GALNT17: variants seen among roughly 807,000 people sequenced by gnomAD.
GALNT17 encodes UDP-GalNAc:polypeptide N-acetylgalactosaminyltransferase-like 3.
Under a neutral mutation model 63.7 loss-of-function variants are expected in GALNT17, and 29 were observed. The observed-to-expected ratio is 0.46, with a 90% CI of 0.34 to 0.62. The LOEUF is 0.62. GALNT17 is among the 20% of genes least tolerant of loss of function. GALNT17 has a pLI of 0.01. For missense variants in GALNT17, 603 were observed against 799.6 expected (o/e 0.75, Z 2.97); for synonymous variants, 305 against 318.3 (o/e 0.96, Z 0.45).
At chr7:71,534,722 G>T (rs907433479) in intron 5 of GALNT17, among the ~76,000 whole-genome samples, 1 of 152,108 alleles carries the variant, frequency 6.6e-6, no homozygotes, top group Admixed American at 6.6e-5. Flanking sequence ...GACACGTGGG[G>T]ATATGACAAC....
chr7:71,604,431 G>A (rs1044886917), intron 6 of GALNT17, among the ~76,000 whole-genome samples: 9 of 152,154 alleles, frequency 5.9e-5, no homozygotes, highest in Non-Finnish European at 1.0e-4. Flanking sequence ...GCATGCACTA[G>A]GTGCTGTGCA....
intron 1 of GALNT17, among the ~76,000 whole-genome samples, chr7:71,263,899 G>A (rs758753832): frequency 9.9e-5 from 15 of 152,194 alleles, no homozygotes; most frequent in Non-Finnish European, 1.3e-4. Context: ...ACTCCAGCCT[G>A]GGCGATAGAG....
intron 5 of GALNT17, among the ~76,000 whole-genome samples, chr7:71,518,689 G>A (rs527790161): frequency 5.9e-5 from 9 of 152,242 alleles, no homozygotes; most frequent in African/African-American, 2.2e-4. Flanking sequence ...ATTTCTCCTT[G>A]GGCGGAGGGA....
At chr7:71,524,173 T>A (rs1440509310) in intron 5 of GALNT17, among the ~76,000 whole-genome samples, 1 of 149,890 alleles carries the variant, frequency 6.7e-6, no homozygotes, top group Non-Finnish European at 1.5e-5. Flanking sequence ...TTAATAGTTT[T>A]AGTTCTATTA....
At chr7:71,330,948 GCT>G (rs1791797723) in intron 1 of GALNT17, among the ~76,000 whole-genome samples, 2 of 152,070 alleles carry the variant, frequency 1.3e-5, no homozygotes, top group Admixed American at 1.3e-4. Flanking sequence ...CTCTGCCACG[GCT>G]CTAGCCTGCT....
intron 2 of GALNT17, among the ~76,000 whole-genome samples, chr7:71,385,645 GGAAATCAAACCTGACCC>G (rs1471991779): frequency 6.6e-6 from 1 of 152,142 alleles, no homozygotes; most frequent in Non-Finnish European, 1.5e-5. Context: ...CCCCTTGAAG[GGAAATCAAACCTGACCC>G]GGCTCAGTGA....
chr7:71,313,638 A>G (rs1036598338), intron 1 of GALNT17, among the ~76,000 whole-genome samples: 1 of 152,248 alleles, frequency 6.6e-6, no homozygotes, highest in African/African-American at 2.4e-5. Flanking sequence ...TTTGACCTTA[A>G]AAAATGGTGA....
intron 1 of GALNT17, among the ~76,000 whole-genome samples, chr7:71,218,510 T>G (rs891263242): frequency 6.6e-6 from 1 of 152,136 alleles, no homozygotes; most frequent in East Asian, 1.9e-4. Flanking sequence ...TAAATATAAC[T>G]GTAGGGTTTT....
chr7:71,240,991 G>A (rs1040850218), intron 1 of GALNT17, among the ~76,000 whole-genome samples: 1 of 152,114 alleles, frequency 6.6e-6, no homozygotes, highest in African/African-American at 2.4e-5. Flanking sequence ...CTGTTGATGG[G>A]CACCTAGGTT....
chr7:71,500,803 A>G (rs552888555), intron 5 of GALNT17, among the ~76,000 whole-genome samples: 8 of 152,192 alleles, frequency 5.3e-5, no homozygotes, highest in African/African-American at 1.9e-4. Flanking sequence ...CCATGTGGCC[A>G]TGGTTAAGAC....
At chr7:71,561,053 G>C (rs2116853275) in intron 5 of GALNT17, among the ~76,000 whole-genome samples, 2 of 152,126 alleles carry the variant, frequency 1.3e-5, no homozygotes, top group East Asian at 3.9e-4. Context: ...CGCTCTGTCG[G>C]CCAGGCTGGA....
intron 1 of GALNT17, among the ~76,000 whole-genome samples, chr7:71,227,590 A>T (rs556749470): frequency 6.6e-6 from 1 of 151,116 alleles, no homozygotes; most frequent in Admixed American, 6.6e-5. Flanking sequence ...TATCCCTCCT[A>T]CCCCCCTTGC....
At chr7:71,502,374 A>G (rs1011810003) in intron 5 of GALNT17, among the ~76,000 whole-genome samples, 1 of 152,192 alleles carries the variant, frequency 6.6e-6, no homozygotes, top group Non-Finnish European at 1.5e-5. Flanking sequence ...ATCTCAGCCA[A>G]TGGAATATGG....
chr7:71,161,768 A>C (rs1788345548), intron 1 of GALNT17, among the ~76,000 whole-genome samples: 1 of 152,042 alleles, frequency 6.6e-6, no homozygotes. Context: ...CTGCCTTTCC[A>C]CCTGATTTGT....
At chr7:71,639,329 G>T (rs1377994504) in intron 6 of GALNT17, among the ~76,000 whole-genome samples, 1 of 151,330 alleles carries the variant, frequency 6.6e-6, no homozygotes, top group Non-Finnish European at 1.5e-5. Flanking sequence ...CCTCTGTCCT[G>T]TCTAACTGAT....
At chr7:71,498,663 A>G (rs1453525273) in intron 5 of GALNT17, among the ~76,000 whole-genome samples, 1 of 152,122 alleles carries the variant, frequency 6.6e-6, no homozygotes, top group African/African-American at 2.4e-5. Context: ...ATTTGCCCAG[A>G]GTCAAGATGG....
At chr7:71,133,169 T>G (rs532058890) in intron 1 of GALNT17, 129 bp downstream of exon 1, 9 of 775,228 alleles carry the variant, frequency 1.2e-5, no homozygotes, top group Non-Finnish European at 1.5e-5. Context: ...GCGCTCCTTC[T>G]TACCCTTCCT....
intron 2 of GALNT17, 147 bp downstream of exon 2, chr7:71,335,880 C>T (rs965557218): frequency 1.2e-5 from 8 of 671,994 alleles, no homozygotes; most frequent in African/African-American, 1.1e-4. Context: ...ACTTAGTACT[C>T]CTGTTGCATA....
At chr7:71,316,525 G>A (rs1791504626) in intron 1 of GALNT17, among the ~76,000 whole-genome samples, 1 of 152,156 alleles carries the variant, frequency 6.6e-6, no homozygotes, top group South Asian at 2.1e-4. Flanking sequence ...GTTTGCAGCA[G>A]AGAAGGATAT....
Sources: allele counts gnomAD v4.1 joint callset (sites outside exome capture counted in the v4.1 genomes callset), GRCh38; gene constraint gnomAD v4.1.1; transcripts MANE v1.5; gene names NCBI Gene and HGNC (gene_info 2026-07-23, HGNC 2026-07-21).